CFAP61: variants seen among roughly 807,000 people sequenced by gnomAD.
The protein encoded by CFAP61 is cilia and flagella associated protein 61.
Under a neutral mutation model 135.6 loss-of-function variants are expected in CFAP61, and 107 were observed. That is an observed-to-expected ratio of 0.79 (90% CI 0.67 to 0.93). The LOEUF (loss-of-function observed/expected upper bound fraction) is 0.93, where lower values mean the gene tolerates loss of function less well. Among genes scored for constraint, CFAP61 ranks in the 40% least tolerant of loss-of-function variants. The probability of loss-of-function intolerance (pLI) is 0.00; values close to 1 mark genes in which losing one functional copy is unlikely to be tolerated. For synonymous variants in CFAP61, 575 were observed against 578.5 expected (o/e 0.99, Z 0.09); for missense variants, 1,507 against 1,556.2 (o/e 0.97, Z 0.53).
At chr20:20,218,451 C>T (rs1161303107) in intron 17 of CFAP61, among the ~76,000 whole-genome samples, 2 of 152,198 alleles carry the variant, frequency 1.3e-5, no homozygotes, top group African/African-American at 2.4e-5. Flanking sequence ...TACCCAGTCT[C>T]GGGTATGTCT....
intron 20 of CFAP61, among the ~76,000 whole-genome samples, chr20:20,252,462 T>C (rs1391348055): frequency 6.6e-6 from 1 of 152,236 alleles, no homozygotes; most frequent in African/African-American, 2.4e-5. Flanking sequence ...ACCAAGTTTG[T>C]GAAACCCATG....
Position 20,179,591 on chromosome 20 carries a change from A to T in CFAP61, c.1386-8339A>T, listed in dbSNP as rs141210764. Among the ~76,000 whole-genome samples the T allele has an allele frequency of 2.8e-3, 428 of 152,322 alleles. 1 individual carries two copies. Among genetic ancestry groups the T allele is most frequent in the African/African-American group, 9.8e-3 (406 of 41,556 alleles). ...ATAGCCAAGGCAATCCTAAGCAAAAAGAACAAAGCTGGAGGCATCACCCTA... is the reference window on the plus strand; with the variant it reads ...ATAGCCAAGGCAATCCTAAGCAAAATGAACAAAGCTGGAGGCATCACCCTA... On this transcript the variant is annotated intron_variant, in intron 13 of 26. Transcript: ENST00000245957.
At chr20:20,142,979 T>TG (rs1241884679) in intron 9 of CFAP61, 31 bp downstream of exon 9, 1 of 1,367,766 alleles carries the variant, frequency 7.3e-7, no homozygotes, top group Admixed American at 1.9e-5. Flanking sequence ...ATGCCTAGGG[T>TG]GGGGGGATGG....
At chr20:20,314,693 C>A (rs1403615913) in intron 25 of CFAP61, among the ~76,000 whole-genome samples, 1 of 125,844 alleles carries the variant, frequency 7.9e-6, no homozygotes, top group Non-Finnish European at 1.6e-5. Flanking sequence ...CCCACCCCCC[C>A]ACCCCACAAC....
At chr20:20,338,977 A>G (rs574758130) in intron 25 of CFAP61, among the ~76,000 whole-genome samples, 1 of 152,340 alleles carries the variant, frequency 6.6e-6, no homozygotes, top group East Asian at 1.9e-4. Context: ...TCCCAGATAA[A>G]CCAGGCTGGC....
intron 25 of CFAP61, among the ~76,000 whole-genome samples, chr20:20,327,637 T>A (rs2057800064): frequency 6.6e-6 from 1 of 151,822 alleles, no homozygotes; most frequent in African/African-American, 2.4e-5. Context: ...AAGAGAAACA[T>A]TATTTTAGTT....
At position 20,098,439 on chromosome 20, in the gene CFAP61, G is replaced by A. The variant is rs544275408; in HGVS notation, c.700-216G>A. Among the ~76,000 whole-genome samples the A allele has an allele frequency of 1.3e-3, 193 of 151,472 alleles. 1 individual carries two copies. Among genetic ancestry groups the A allele is most frequent in the Non-Finnish European group, 2.5e-3 (171 of 67,818 alleles). The stretch of plus-strand genomic sequence containing the variant: ...AGCCTGGCCAACATGGTGAAACTCC[G>A]TCTCTACTAAAAATGCAAAAATTAG... On this transcript the variant is annotated intron_variant, in intron 7 of 26. Coordinates refer to ENST00000245957, the MANE Select transcript of CFAP61 (RefSeq NM_015585.4).
At chr20:20,220,552 T>A (rs1157466476) in intron 17 of CFAP61, among the ~76,000 whole-genome samples, 1 of 152,258 alleles carries the variant, frequency 6.6e-6, no homozygotes, top group Non-Finnish European at 1.5e-5. Context: ...CTTGTGGGAC[T>A]AAGCCTAGGT....
chr20:20,148,504 G>GT (rs757391608), intron 9 of CFAP61, among the ~76,000 whole-genome samples: 3 of 151,210 alleles, frequency 2.0e-5, no homozygotes, highest in Non-Finnish European at 3.0e-5. Flanking sequence ...TTTTTGTTTT[G>GT]TTTTTTGTTT....
chr20:20,263,181 T>C lies in CFAP61; in HGVS notation c.2503+51T>C. On this transcript the variant is annotated intron_variant, in intron 21 of 26. Transcript: ENST00000245957. ...TCTTCAGAATAGCGTTTTATTTTTA[T>C]AATGAGTCTCATTCTTCATCTAGTT... 3 of 1,357,966 alleles carry C rather than the reference T, an allele frequency of 2.2e-6. No individual in the cohort carries two copies. In the South Asian group the frequency reaches 4.3e-5, roughly 20 times the overall value. 84.1% of individuals were successfully genotyped at this position (1,357,966 alleles called of 1,614,324 possible).
At chr20:20,222,816 C>G (rs1025582687) in intron 17 of CFAP61, among the ~76,000 whole-genome samples, 22 of 152,122 alleles carry the variant, frequency 1.4e-4, no homozygotes, top group Admixed American at 6.5e-5. Context: ...TCAACTTGAA[C>G]TTTGAGCCGC....
intron 17 of CFAP61, among the ~76,000 whole-genome samples, chr20:20,211,256 C>G (rs1375843586): frequency 1.3e-5 from 2 of 152,192 alleles, no homozygotes; most frequent in Admixed American, 6.5e-5. Context: ...AAGGGCTGCC[C>G]CACGTGGCCT....
At chr20:20,354,073 G>T (rs971035384) in intron 26 of CFAP61, among the ~76,000 whole-genome samples, 1 of 152,124 alleles carries the variant, frequency 6.6e-6, no homozygotes, top group Admixed American at 6.5e-5. Context: ...ATGAACCTAA[G>T]TGTTCATCAA....
intron 9 of CFAP61, among the ~76,000 whole-genome samples, chr20:20,146,947 C>G (rs186365210): frequency 5.9e-5 from 9 of 152,268 alleles, no homozygotes; most frequent in Admixed American, 2.0e-4. Context: ...ATCACTCTTA[C>G]GCCTTTGCAT....
intron 11 of CFAP61, 118 bp downstream of exon 11, chr20:20,164,346 T>C: frequency 9.9e-7 from 1 of 1,008,402 alleles, no homozygotes; most frequent in Admixed American, 2.6e-5. Context: ...CCTAATCTCC[T>C]GGGGAATTTT....
At chr20:20,261,256 G>C (rs2052171022) in intron 20 of CFAP61, among the ~76,000 whole-genome samples, 3 of 152,230 alleles carry the variant, frequency 2.0e-5, no homozygotes, top group African/African-American at 7.2e-5. Context: ...TATTGAGGAA[G>C]TGTATAACCA....
intron 9 of CFAP61, among the ~76,000 whole-genome samples, chr20:20,157,000 G>T (rs1417376085): frequency 6.6e-6 from 1 of 152,102 alleles, no homozygotes; most frequent in Non-Finnish European, 1.5e-5. Context: ...TATGAAAATG[G>T]AGATAACCTA....
intron 17 of CFAP61, among the ~76,000 whole-genome samples, chr20:20,203,198 A>G (rs112345936): frequency 1.8e-3 from 277 of 152,314 alleles, no homozygotes; most frequent in African/African-American, 6.4e-3. Flanking sequence ...GAAAACATAA[A>G]TGATTTTCAT....
At position 20,225,604 on chromosome 20, in the gene CFAP61, T is replaced by C. The variant is rs190436463; in HGVS notation, c.1933-2645T>C. 31 of 152,364 alleles carry C rather than the reference T, an allele frequency of 2.0e-4. No individual in the cohort carries two copies. The East Asian group carries it at 5.8e-3, about 28-fold the overall frequency. 9.4% of individuals were successfully genotyped at this position (152,364 alleles called of 1,614,324 possible). On this transcript the variant is annotated intron_variant, in intron 17 of 26. Coordinates refer to ENST00000245957, the MANE Select transcript of CFAP61 (RefSeq NM_015585.4). The stretch of plus-strand genomic sequence containing the variant: ...TCATAAATGAGGTATAATTCTTTAC[T>C]GGAGAATTTCATTACTGCCCATGTT...
Sources: gnomAD v4.1 joint callset for allele counts (sites outside exome capture counted in the v4.1 genomes callset) on GRCh38, gnomAD v4.1.1 for gene constraint, MANE v1.5 for transcripts, NCBI Gene and HGNC (gene_info 2026-07-23, HGNC 2026-07-21) for gene names.